The following ANTXR1 variants were observed in gnomAD, a reference collection of about 807,000 sequenced individuals.
The protein encoded by ANTXR1 is ANTXR cell adhesion molecule 1.
Under a neutral mutation model 78.1 loss-of-function variants are expected in ANTXR1, and 19 were observed. The ratio of observed to expected loss-of-function variants is 0.24; its 90% CI spans 0.17 to 0.36. The LOEUF is 0.36. Among genes scored for constraint, ANTXR1 ranks in the 10% least tolerant of loss-of-function variants. ANTXR1 has a pLI of 1.00. For missense variants in ANTXR1, 518 were observed against 718.6 expected, an observed-to-expected ratio of 0.72 and a Z score of 3.19; for synonymous variants, 273 against 260.5, an observed-to-expected ratio of 1.05 and a Z score of -0.46.
At chr2:69,110,841 G>A (rs1024313035) in intron 10 of ANTXR1, among the ~76,000 whole-genome samples, 2 of 152,038 alleles carry the variant, frequency 1.3e-5, no homozygotes, top group Admixed American at 6.6e-5. Context: ...CAGCCCGGGC[G>A]ACAGAGCAAG....
chr2:69,027,025 T>TA (rs1325275808), intron 1 of ANTXR1, among the ~76,000 whole-genome samples: 2 of 152,040 alleles, frequency 1.3e-5, no homozygotes, highest in Non-Finnish European at 1.5e-5. Flanking sequence ...TGCCAAATTG[T>TA]AAAAAAATAT....
rs11455102 is a variant in ANTXR1, at chr2:69,015,507, TA to T, written c.152+1865del. Among the ~76,000 whole-genome samples, 128 of 150,868 alleles carry T rather than the reference TA, an allele frequency of 8.5e-4. 1 individual carries two copies. Among genetic ancestry groups the T allele is most frequent in the Non-Finnish European group, 1.4e-3 (92 of 67,576 alleles). ...ATCAGTATATAATGATTCATTAATT[TA>T]AAAAAAAATGGTTCCTGGACAAGTG... On this transcript the variant is annotated intron_variant, in intron 1 of 17. Coordinates refer to ENST00000303714, the MANE Select transcript of ANTXR1 (RefSeq NM_032208.3).
chr2:69,116,917 G>C (rs1672162599), intron 10 of ANTXR1, among the ~76,000 whole-genome samples: 1 of 152,190 alleles, frequency 6.6e-6, no homozygotes, highest in African/African-American at 2.4e-5. Context: ...TTTTATCCCA[G>C]ATCCATGAGC....
intron 16 of ANTXR1, among the ~76,000 whole-genome samples, chr2:69,184,940 C>A (rs555114131): frequency 6.6e-6 from 1 of 152,310 alleles, no homozygotes; most frequent in East Asian, 1.9e-4. Flanking sequence ...TCAGCATTCG[C>A]CCATCTTTTC....
At chr2:69,240,740 G>T (rs1162986641) in intron 17 of ANTXR1, among the ~76,000 whole-genome samples, 1 of 152,174 alleles carries the variant, frequency 6.6e-6, no homozygotes, top group South Asian at 2.1e-4. Flanking sequence ...ACAGAGCTGG[G>T]TTTTAATCCC....
At chr2:69,226,861 A>C (rs556942582) in intron 17 of ANTXR1, among the ~76,000 whole-genome samples, 4 of 152,132 alleles carry the variant, frequency 2.6e-5, no homozygotes, top group Non-Finnish European at 5.9e-5. Context: ...CCTCTTAAAG[A>C]TTCCTCTTAC....
At chr2:69,102,551 A>G (rs890007979) in intron 9 of ANTXR1, among the ~76,000 whole-genome samples, 3 of 152,222 alleles carry the variant, frequency 2.0e-5, no homozygotes, top group African/African-American at 2.4e-5. Context: ...TAAGATTTGA[A>G]TGGACAGAGA....
chr2:69,177,293 G>C (rs1674149522), intron 14 of ANTXR1, among the ~76,000 whole-genome samples: 1 of 152,224 alleles, frequency 6.6e-6, no homozygotes, highest in Non-Finnish European at 1.5e-5. Flanking sequence ...GTTGAAGCGT[G>C]GAGCTGCACA....
intron 8 of ANTXR1, 139 bp downstream of exon 8, chr2:69,077,627 C>T (rs922168334): frequency 1.6e-5 from 14 of 898,058 alleles, no homozygotes; most frequent in Non-Finnish European, 2.5e-5. Flanking sequence ...ATCTTTGTGT[C>T]TGCCACGTCC....
At chr2:69,103,084 G>C in intron 10 of ANTXR1, 144 bp downstream of exon 10, 1 of 876,972 alleles carries the variant, frequency 1.1e-6, no homozygotes, top group Non-Finnish European at 1.9e-6. Context: ...CAAGGGCATA[G>C]TGAGCCCTTA....
intron 1 of ANTXR1, among the ~76,000 whole-genome samples, chr2:69,028,479 C>T (rs1247431598): frequency 6.6e-6 from 1 of 151,632 alleles, no homozygotes; most frequent in Non-Finnish European, 1.5e-5. Context: ...TATACCTAGC[C>T]AAGATATCAC....
intron 17 of ANTXR1, among the ~76,000 whole-genome samples, chr2:69,216,629 TG>T (rs927718113): frequency 1.3e-5 from 2 of 152,120 alleles, no homozygotes; most frequent in African/African-American, 4.8e-5. Flanking sequence ...TCCCAGAGAC[TG>T]GGCTCCAGAG....
chr2:69,052,647 C>G (rs763831609), intron 3 of ANTXR1, among the ~76,000 whole-genome samples: 10 of 152,096 alleles, frequency 6.6e-5, no homozygotes, highest in Non-Finnish European at 1.5e-4. Flanking sequence ...GCCATTCTAT[C>G]TGAAGACTTA....
chr2:69,153,775 A>G (rs1225788984), intron 13 of ANTXR1, among the ~76,000 whole-genome samples: 1 of 152,216 alleles, frequency 6.6e-6, no homozygotes, highest in South Asian at 2.1e-4. Context: ...AGTGAACACT[A>G]TTATAGTTCC....
chr2:69,077,312 A>G, intron 7 of ANTXR1, 96 bp from the exon 8 acceptor site: 6 of 1,333,042 alleles, frequency 4.5e-6, no homozygotes, highest in South Asian at 2.3e-5. Flanking sequence ...GGTTCTGAAT[A>G]TAACTAGAGC....
rs1356850671 is a variant in ANTXR1 at position 69,245,575 on chromosome 2, G to A, written c.*90G>A. 6.4e-7 allele frequency: 1 copy of A among 1,561,662 alleles called. No homozygotes were observed. Among genetic ancestry groups the A allele is most frequent in the Non-Finnish European group, 8.7e-7 (1 of 1,153,884 alleles). On this transcript the variant is annotated 3_prime_UTR_variant, in exon 18 of 18. Transcript: ENST00000303714. ...GTTAGAGAAGAGGAGTGGTGATAAA[G>A]CCCACTGACCTTCACACATTCTAAA... is the stretch of plus-strand genomic sequence containing the variant.
chr2:69,181,904 A>C, intron 15 of ANTXR1, 23 bp downstream of exon 15: 1 of 1,609,872 alleles, frequency 6.2e-7, no homozygotes, highest in Non-Finnish European at 8.5e-7. Flanking sequence ...CTTCATATAC[A>C]CTTATCTATG....
At chr2:69,164,235 AC>A (rs1257542741) in intron 13 of ANTXR1, among the ~76,000 whole-genome samples, 3 of 152,172 alleles carry the variant, frequency 2.0e-5, no homozygotes, top group African/African-American at 7.2e-5. Flanking sequence ...CGTAAGGCCA[AC>A]CCGTGACTCT....
intron 13 of ANTXR1, among the ~76,000 whole-genome samples, chr2:69,156,375 C>T (rs976835709): frequency 2.0e-5 from 3 of 152,206 alleles, no homozygotes; most frequent in African/African-American, 7.2e-5. Context: ...TTCTTCCTTT[C>T]TCACCCAGCA....
Sources: gnomAD v4.1 joint callset for allele counts (sites outside exome capture counted in the v4.1 genomes callset) on GRCh38, gnomAD v4.1.1 for gene constraint, MANE v1.5 for transcripts, NCBI Gene and HGNC (gene_info 2026-07-23, HGNC 2026-07-21) for gene names.